Variants in SPSB1 observed in about 807,000 individuals in gnomAD.
SPSB1 encodes splA/ryanodine receptor domain and SOCS box containing 1, also known as SPRY domain-containing SOCS box protein 1.
In SPSB1, 8 loss-of-function variants were observed where a neutral mutation model predicts 21.2. The observed-to-expected ratio is 0.38, with a 90% confidence interval of 0.22 to 0.68. The LOEUF (loss-of-function observed/expected upper bound fraction) is 0.68. SPSB1 is among the 30% of genes least tolerant of loss of function. The pLI is 0.53. For missense variants in SPSB1, 242 were observed against 377.8 expected (o/e 0.64, Z 2.98); for synonymous variants, 169 against 161.7 (o/e 1.05, Z -0.34).
intron 1 of SPSB1, among the ~76,000 whole-genome samples, chr1:9,337,116 A>G (rs947291601): frequency 2.6e-5 from 4 of 151,962 alleles, no homozygotes; most frequent in African/African-American, 9.7e-5. Flanking sequence ...ATGAGAAGAG[A>G]TGACAAGGGG....
In SPSB1 at chr1:9,345,874, T is replaced by G; in HGVS notation, c.-149-9869T>G. Among the ~76,000 whole-genome samples the G allele has an allele frequency of 6.6e-6, 1 of 152,008 alleles. No individual in the cohort carries two copies. Among genetic ancestry groups the G allele is most frequent in the African/African-American group, 2.4e-5 (1 of 41,382 alleles). Reference sequence around the variant, plus strand: ...TATTTTTATATCCCTCCTTGAGGGGTCCCTCCTCAAGTTGGCAGTTGGCAG... The same window carrying G: ...TATTTTTATATCCCTCCTTGAGGGGGCCCTCCTCAAGTTGGCAGTTGGCAG... On this transcript the variant is annotated intron_variant, in intron 1 of 2. Coordinates refer to ENST00000328089, the MANE Select transcript of SPSB1 (RefSeq NM_025106.4). The surrounding 1 kb of genome is among the most constrained non-coding windows in gnomAD (Gnocchi z 4.8).
intron 1 of SPSB1, among the ~76,000 whole-genome samples, chr1:9,300,906 AG>A (rs1639317520): frequency 6.6e-6 from 1 of 152,206 alleles, no homozygotes; most frequent in African/African-American, 2.4e-5. Context: ...AGACTTAGTC[AG>A]CCTGGTTTGC....
intron 2 of SPSB1, among the ~76,000 whole-genome samples, chr1:9,360,207 AGGGTGG>A (rs149738454): frequency 0.2 from 30,575 of 151,730 alleles, 3,168 homozygotes; most frequent in East Asian, 0.35. Context: ...AGAGGCCAGG[AGGGTGG>A]GGGCTGAAGG....
At chr1:9,309,301 A>AGAGAGAGTGT (rs1245605413) in intron 1 of SPSB1, among the ~76,000 whole-genome samples, 1 of 133,136 alleles carries the variant, frequency 7.5e-6, no homozygotes, top group African/African-American at 3.0e-5. Context: ...AGAGAGAGAG[A>AGAGAGAGTGT]GTGTGTGTGT....
Position 9,346,057 on chromosome 1 carries a change from C to T in SPSB1, c.-149-9686C>T, listed in dbSNP as rs1468583772. ...CATGCTCAGGATGCTGGAGGGAGCA[C>T]AGAACCCCAGTGAGCGGGCAGAGCC... is the stretch of plus-strand genomic sequence containing the variant. On this transcript the variant is annotated intron_variant, in intron 1 of 2. Transcript: ENST00000328089. This position sits in a 1 kb window ranked among gnomAD's most constrained non-coding sequence, Gnocchi z 4.4. Among the ~76,000 whole-genome samples the T allele has an allele frequency of 6.6e-6, 1 of 152,210 alleles. No individual in the cohort carries two copies. The highest frequency in any genetic ancestry group is 1.5e-5 in the Non-Finnish European group (1 of 68,046).
chr1:9,339,365 C>T (rs1419915475), intron 1 of SPSB1: 19 of 923,894 alleles, frequency 2.1e-5, no homozygotes, highest in Non-Finnish European at 2.3e-5. Flanking sequence ...GGCTGTGACT[C>T]ACCGCCAGGC....
Position 9,346,288 on chromosome 1 carries a change from C to T in SPSB1, c.-149-9455C>T, listed in dbSNP as rs568388805. 6.6e-6 allele frequency among the ~76,000 whole-genome samples: 1 copy of T among 152,270 alleles called. No individual in the cohort carries two copies. Among genetic ancestry groups the T allele is most frequent in the Non-Finnish European group, 1.5e-5 (1 of 68,018 alleles). On this transcript the variant is annotated intron_variant, in intron 1 of 2. Coordinates refer to ENST00000328089, the MANE Select transcript of SPSB1 (RefSeq NM_025106.4). The surrounding 1 kb of genome is among the most constrained non-coding windows in gnomAD (Gnocchi z 4.4). ...CACATCCTGAATTTCATTCTTTCCCCATCTTGGGGCAAAACAATGGTTTTA... is the reference window on the plus strand; with the variant it reads ...CACATCCTGAATTTCATTCTTTCCCTATCTTGGGGCAAAACAATGGTTTTA...
At chr1:9,338,742 C>T (rs983494877) in intron 1 of SPSB1, among the ~76,000 whole-genome samples, 1 of 152,184 alleles carries the variant, frequency 6.6e-6, no homozygotes, top group Admixed American at 6.5e-5. Context: ...TCACCTCCCC[C>T]ATATGACTTC....
chr1:9,296,420 A>G (rs996885024), intron 1 of SPSB1, among the ~76,000 whole-genome samples: 1 of 152,262 alleles, frequency 6.6e-6, no homozygotes, highest in Non-Finnish European at 1.5e-5. Flanking sequence ...TTCAAGAAGC[A>G]TGGGCTCATT....
chr1:9,309,301 A>AGAGTGT (rs1245605413), intron 1 of SPSB1, among the ~76,000 whole-genome samples: 41 of 133,228 alleles, frequency 3.1e-4, no homozygotes, highest in East Asian at 8.9e-4. Flanking sequence ...AGAGAGAGAG[A>AGAGTGT]GTGTGTGTGT....
chr1:9,320,278 G>A (rs978118700), intron 1 of SPSB1, among the ~76,000 whole-genome samples: 2 of 152,342 alleles, frequency 1.3e-5, no homozygotes, highest in Admixed American at 6.5e-5. Context: ...ACTGCAGGGC[G>A]GTCATCAGCC....
chr1:9,341,921 C>T (rs890327576), intron 1 of SPSB1, among the ~76,000 whole-genome samples: 4 of 152,146 alleles, frequency 2.6e-5, no homozygotes, highest in Non-Finnish European at 5.9e-5. Flanking sequence ...AGGCTGGTCT[C>T]GAACTCCCGA....
intron 2 of SPSB1, among the ~76,000 whole-genome samples, chr1:9,358,679 A>G (rs1040013088): frequency 2.0e-5 from 3 of 152,144 alleles, no homozygotes; most frequent in African/African-American, 7.2e-5. Context: ...AGATGAGGGG[A>G]CTGCCAGACC....
intron 1 of SPSB1, among the ~76,000 whole-genome samples, chr1:9,327,178 C>T (rs1409076080): frequency 6.6e-6 from 1 of 152,186 alleles, no homozygotes; most frequent in African/African-American, 2.4e-5. Flanking sequence ...AGCCCACGGC[C>T]TCCACAGTGG....
At chr1:9,320,029 C>G (rs1639690689) in intron 1 of SPSB1, among the ~76,000 whole-genome samples, 2 of 152,144 alleles carry the variant, frequency 1.3e-5, no homozygotes, top group African/African-American at 2.4e-5. Context: ...GTGCTTCGAG[C>G]CCCCTGGGCC....
chr1:9,322,547 T>C (rs374989098), intron 1 of SPSB1, among the ~76,000 whole-genome samples: 15 of 152,284 alleles, frequency 9.9e-5, no homozygotes, highest in African/African-American at 2.6e-4. Context: ...ATGGCAATCA[T>C]GATGAGGGCT....
At position 9,361,159 on chromosome 1, in the gene SPSB1, T is replaced by TTTTTTTTTTTTTTTTTTC. The variant is rs1640468979; in HGVS notation, c.694+4591_694+4592insCTTTTTTTTTTTTTTTTT. Among the ~76,000 whole-genome samples, 64 of 33,232 alleles carry TTTTTTTTTTTTTTTTTTC rather than the reference T, an allele frequency of 1.9e-3. 4 individuals are homozygous for TTTTTTTTTTTTTTTTTTC. Among genetic ancestry groups the TTTTTTTTTTTTTTTTTTC allele is most frequent in the East Asian group, 6.3e-3 (5 of 800 alleles). The allele number at this position is 33,232 out of a possible 152,430, so 21.8% of individuals were successfully genotyped here. A position where few individuals can be genotyped will look rare whatever the true frequency, so the allele number is the denominator to read the frequency against. On this transcript the variant is annotated intron_variant, in intron 2 of 2. Coordinates refer to ENST00000328089, the MANE Select transcript of SPSB1 (RefSeq NM_025106.4). Reference sequence around the variant, plus strand: ...GCATGGCTGGATCTGTCATTTTCTTTTTTTTTTTTTTTTTTTTTTTTTTTA... The same window carrying TTTTTTTTTTTTTTTTTTC: ...GCATGGCTGGATCTGTCATTTTCTTTTTTTTTTTTTTTTTTTTCTTTTTTTTTTTTTTTTTTTTTTTTA...
chr1:9,361,171 T>TTTTTTTC (rs1640470757), intron 2 of SPSB1, among the ~76,000 whole-genome samples: 3 of 143,322 alleles, frequency 2.1e-5, no homozygotes, highest in African/African-American at 2.6e-5. Context: ...TTTTTTTTTT[T>TTTTTTTC]TTTTTTTTTT....
At chr1:9,328,051 G>A (rs1639845022) in intron 1 of SPSB1, among the ~76,000 whole-genome samples, 2 of 152,212 alleles carry the variant, frequency 1.3e-5, no homozygotes, top group Admixed American at 1.3e-4. Flanking sequence ...CCATGGTGTG[G>A]ACTTTTCAGA....
Sources: gnomAD v4.1 joint callset for allele counts (sites outside exome capture counted in the v4.1 genomes callset) on GRCh38, gnomAD v4.1.1 for gene constraint, Gnocchi (gnomAD v3.1) non-coding constraint, MANE v1.5 for transcripts, NCBI Gene and HGNC (gene_info 2026-07-23, HGNC 2026-07-21) for gene names.